Variants in ZDHHC20 observed in about 807,000 individuals in gnomAD.
The protein encoded by ZDHHC20 is zDHHC palmitoyltransferase 20, also known as palmitoyltransferase ZDHHC20.
ZDHHC20 carries 43 observed loss-of-function variants against 57.8 expected under a neutral mutation model. The observed-to-expected ratio is 0.74, with a 90% CI of 0.58 to 0.96. The LOEUF (loss-of-function observed/expected upper bound fraction) is 0.96, where lower values mean the gene tolerates loss of function less well. Among genes scored for constraint, ZDHHC20 ranks in the 40% least tolerant of loss-of-function variants. The pLI, the probability that ZDHHC20 is intolerant of heterozygous loss-of-function variation, is 0.00. For missense variants in ZDHHC20, 391 were observed against 441.1 expected (o/e 0.89, Z 1.02); for synonymous variants, 157 against 153.0 (o/e 1.03, Z -0.19).
chr13:21,388,295 G>A (rs1054927961), intron 8 of ZDHHC20, among the ~76,000 whole-genome samples: 1 of 152,142 alleles, frequency 6.6e-6, no homozygotes, highest in Non-Finnish European at 1.5e-5. Flanking sequence ...TAAAAACAAG[G>A]CACTTCAGTG....
chr13:21,423,876 A>G (rs966647266), intron 2 of ZDHHC20, among the ~76,000 whole-genome samples: 1 of 151,986 alleles, frequency 6.6e-6, no homozygotes, highest in Admixed American at 6.6e-5. Context: ...CCTAGACCCC[A>G]TATTAAATCA....
In ZDHHC20 at chr13:21,391,066, T is replaced by C. The variant is rs1057067253; in HGVS notation, c.727+656A>G. 2.0e-5 allele frequency among the ~76,000 whole-genome samples: 3 copies of C among 151,930 alleles called. No homozygotes were observed. The East Asian group carries it at 5.8e-4, about 29-fold the overall frequency. On this transcript the variant is annotated intron_variant, in intron 8 of 12. Transcript: ENST00000400590. ...TAGATTAATTTTTTTTTTTTTGAGATAGGGTCTTACTCTCATTGCCCAGGC... is the reference window on the plus strand; with the variant it reads ...TAGATTAATTTTTTTTTTTTTGAGACAGGGTCTTACTCTCATTGCCCAGGC...
chr13:21,400,547 A>C, intron 6 of ZDHHC20, 54 bp from the exon 7 acceptor site: 1 of 1,509,988 alleles, frequency 6.6e-7, no homozygotes. Context: ...ACAAATTCAC[A>C]GAAATAGAAA....
At chr13:21,399,728 CAT>C (rs1423997433) in intron 7 of ZDHHC20, among the ~76,000 whole-genome samples, 7 of 152,020 alleles carry the variant, frequency 4.6e-5, no homozygotes, top group Admixed American at 3.3e-4. Context: ...AATATATATA[CAT>C]GTTATTTTGC....
intron 11 of ZDHHC20, among the ~76,000 whole-genome samples, chr13:21,379,066 G>C (rs577816596): frequency 6.6e-6 from 1 of 151,666 alleles, no homozygotes; most frequent in African/African-American, 2.4e-5. Flanking sequence ...GCCTAGGCTG[G>C]CCTTAAACTT....
At chr13:21,410,473 C>G (rs968147260) in intron 4 of ZDHHC20, among the ~76,000 whole-genome samples, 1 of 152,206 alleles carries the variant, frequency 6.6e-6, no homozygotes, top group Non-Finnish European at 1.5e-5. Context: ...GCCTCTTCCC[C>G]CAGGTGCTGT....
chr13:21,414,358 C>CT (rs1016913595), intron 3 of ZDHHC20, among the ~76,000 whole-genome samples: 107 of 145,330 alleles, frequency 7.4e-4, no homozygotes, highest in Non-Finnish European at 1.3e-3. Flanking sequence ...CTTTATAGAC[C>CT]TTTTTTTTTT....
intron 1 of ZDHHC20, among the ~76,000 whole-genome samples, chr13:21,441,441 A>G (rs1317540369): frequency 6.8e-6 from 1 of 148,122 alleles, no homozygotes; most frequent in South Asian, 2.1e-4. Flanking sequence ...GCTGGAGTGC[A>G]GTGGCGCGAT....
chr13:21,454,895 T>C (rs867197431), intron 1 of ZDHHC20, among the ~76,000 whole-genome samples: 24 of 152,080 alleles, frequency 1.6e-4, no homozygotes, highest in Middle Eastern at 3.4e-3. Context: ...ACAAACAACA[T>C]AGCTCTTTTG....
At chr13:21,442,025 A>G (rs916271747) in intron 1 of ZDHHC20, among the ~76,000 whole-genome samples, 7 of 152,190 alleles carry the variant, frequency 4.6e-5, no homozygotes, top group African/African-American at 1.4e-4. Context: ...TTGTGTGTAC[A>G]TAAATTTTGT....
At chr13:21,386,863 TA>T (rs1197374467) in intron 9 of ZDHHC20, among the ~76,000 whole-genome samples, 3 of 152,218 alleles carry the variant, frequency 2.0e-5, no homozygotes, top group Admixed American at 6.5e-5. Context: ...TCTAGAATTT[TA>T]TACCAAGCAA....
At chr13:21,419,786 G>C (rs1021825849) in intron 3 of ZDHHC20, among the ~76,000 whole-genome samples, 2 of 152,118 alleles carry the variant, frequency 1.3e-5, no homozygotes, top group Non-Finnish European at 2.9e-5. Context: ...TCTTGAATTG[G>C]GTGGTAGTTA....
intron 3 of ZDHHC20, among the ~76,000 whole-genome samples, chr13:21,414,527 A>ATTTTTTTTTTTTTTTTTTTTTTT (rs747307477): frequency 3.6e-4 from 39 of 107,508 alleles, no homozygotes; most frequent in Non-Finnish European, 5.9e-4. Flanking sequence ...TGCCCGGATA[A>ATTTTTTTTTTTTTTTTTTTTTTT]TTTTTTTTTT....
At chr13:21,457,300 C>A (rs947133679) in intron 1 of ZDHHC20, among the ~76,000 whole-genome samples, 1 of 152,050 alleles carries the variant, frequency 6.6e-6, no homozygotes. Flanking sequence ...AAAACCACTA[C>A]GGGAATTAAA....
intron 8 of ZDHHC20, among the ~76,000 whole-genome samples, chr13:21,390,739 G>T (rs1875543698): frequency 1.3e-5 from 2 of 151,994 alleles, no homozygotes; most frequent in Middle Eastern, 3.4e-3. Flanking sequence ...ATCTCCATAA[G>T]AAATAAATAA....
chr13:21,452,702 A>G (rs1161588148), intron 1 of ZDHHC20, among the ~76,000 whole-genome samples: 2 of 152,242 alleles, frequency 1.3e-5, no homozygotes, highest in Non-Finnish European at 2.9e-5. Context: ...AGATAGAAGT[A>G]TACTTTTATA....
At position 21,454,943 on chromosome 13, in the gene ZDHHC20, C is replaced by A. The variant is rs550574735; in HGVS notation, c.118+4111G>T. 2.0e-5 allele frequency among the ~76,000 whole-genome samples: 3 copies of A among 152,032 alleles called. No individual in the cohort carries two copies. In the East Asian group the frequency reaches 5.8e-4, roughly 29 times the overall value. On this transcript the variant is annotated intron_variant, in intron 1 of 12. Coordinates refer to ENST00000400590, the MANE Select transcript of ZDHHC20 (RefSeq NM_001330059.2). The stretch of plus-strand genomic sequence containing the variant: ...TTGGTTTGTTGGTTCGTTTTTGAGA[C>A]AGAGTCTCGCTCTGTCGCCCAGGCT...
At chr13:21,404,568 T>G (rs1001470651) in intron 4 of ZDHHC20, among the ~76,000 whole-genome samples, 1 of 151,934 alleles carries the variant, frequency 6.6e-6, no homozygotes, top group African/African-American at 2.4e-5. Context: ...CTGGCTAACA[T>G]GGTGAAACCC....
chr13:21,373,215 T>C lies in ZDHHC20; in HGVS notation c.*3481A>G, dbSNP rs1871490223. The C allele has an allele frequency of 1.3e-5, 2 of 152,216 alleles. No homozygotes were observed. The highest frequency in any genetic ancestry group is 4.1e-4 in the South Asian group (2 of 4,832). 9.4% of individuals were successfully genotyped at this position (152,216 alleles called of 1,614,324 possible). On this transcript the variant is annotated 3_prime_UTR_variant, in exon 13 of 13. Transcript: ENST00000400590. ...TAGAACAAAAGGTAAGCAAAACTTA[T>C]TTGTAAGTTACTGCCTATTCAATGC...
Sources: allele counts gnomAD v4.1 joint callset (sites outside exome capture counted in the v4.1 genomes callset), GRCh38; gene constraint gnomAD v4.1.1; transcripts MANE v1.5; gene names NCBI Gene and HGNC (gene_info 2026-07-23, HGNC 2026-07-21).